Variants in LRPPRC observed in about 807,000 individuals in gnomAD.
The protein encoded by LRPPRC is leucine rich pentatricopeptide repeat containing.
A neutral mutation model predicts 180.3 loss-of-function variants in LRPPRC; 120 were observed. The observed-to-expected ratio is 0.67, with a 90% confidence interval of 0.57 to 0.77. LRPPRC has a LOEUF of 0.77. LRPPRC is among the 30% of genes least tolerant of loss of function. The pLI is 0.00. For synonymous variants in LRPPRC, 723 were observed against 600.0 expected (o/e 1.21, Z -3.00); for missense variants, 2,012 against 1,657.2 (o/e 1.21, Z -3.72).
At chr2:43,928,430 A>G (rs1189585945) in intron 25 of LRPPRC, among the ~76,000 whole-genome samples, 1 of 152,208 alleles carries the variant, frequency 6.6e-6, no homozygotes, top group Non-Finnish European at 1.5e-5. Context: ...TCCTGAATTT[A>G]ACTCAAATAG....
intron 5 of LRPPRC, 101 bp from the exon 6 acceptor site, chr2:43,976,330 T>C: frequency 1.4e-6 from 1 of 710,814 alleles, no homozygotes; most frequent in East Asian, 2.7e-5. Context: ...TTTTAAAATA[T>C]AATAGTAATA....
At chr2:43,903,439 G>T (rs965321672) in intron 31 of LRPPRC, 12 of 151,994 alleles carry the variant, frequency 7.9e-5, no homozygotes, top group African/African-American at 2.9e-4. Context: ...ACAACGGAAG[G>T]GAATTTTTAA....
chr2:43,963,274 G>A (rs913808460), intron 12 of LRPPRC, among the ~76,000 whole-genome samples: 1 of 151,974 alleles, frequency 6.6e-6, no homozygotes, highest in African/African-American at 2.4e-5. Context: ...GAGAAACCCT[G>A]TCTCTACTAA....
intron 14 of LRPPRC, among the ~76,000 whole-genome samples, chr2:43,952,871 G>A (rs779417962): frequency 6.6e-6 from 1 of 152,100 alleles, no homozygotes; most frequent in Non-Finnish European, 1.5e-5. Context: ...TCTCCCCTTT[G>A]AATATCTGTC....
At chr2:43,896,046 C>G (rs1670667639) in intron 35 of LRPPRC, among the ~76,000 whole-genome samples, 1 of 151,916 alleles carries the variant, frequency 6.6e-6, no homozygotes, top group Non-Finnish European at 1.5e-5. Flanking sequence ...ATTTGAAAGC[C>G]AAGTGGCTCA....
intron 24 of LRPPRC, 73 bp downstream of exon 24, chr2:43,934,681 T>C (rs1672208598): frequency 7.1e-7 from 1 of 1,400,620 alleles, no homozygotes; most frequent in African/African-American, 1.4e-5. Context: ...CTGGTTTCTC[T>C]TAACAATACA....
intron 11 of LRPPRC, among the ~76,000 whole-genome samples, chr2:43,967,755 G>C (rs911654212): frequency 2.0e-5 from 3 of 152,262 alleles, no homozygotes; most frequent in Non-Finnish European, 2.9e-5. Context: ...TGAAATTTAA[G>C]AGAACATGCA....
rs138328218 is a variant in LRPPRC, at chr2:43,956,370, T to C, written c.1649+1015A>G. On this transcript the variant is annotated intron_variant, in intron 14 of 37. Coordinates refer to ENST00000260665, the MANE Select transcript of LRPPRC (RefSeq NM_133259.4). ...ATTGTTAATTTTTTCAGAGTGATAC[T>C]GATGTTGTGATTTTAGAGATGATGA... Among the ~76,000 whole-genome samples, 309 of 152,304 alleles carry C rather than the reference T, an allele frequency of 2.0e-3. 4 individuals carry two copies. The Middle Eastern group carries it at 0.044, about 22-fold the overall frequency.
intron 27 of LRPPRC, among the ~76,000 whole-genome samples, chr2:43,920,113 T>A (rs990847896): frequency 6.0e-5 from 9 of 149,086 alleles, no homozygotes; most frequent in Non-Finnish European, 1.3e-4. Context: ...CTTAGAGAAA[T>A]TCCCCTGGGT....
intron 11 of LRPPRC, among the ~76,000 whole-genome samples, chr2:43,971,485 T>TAA (rs528659622): frequency 2.7e-4 from 17 of 62,378 alleles, no homozygotes; most frequent in African/African-American, 6.3e-4. Flanking sequence ...TGTGTCACAG[T>TAA]AAAAAAAAAA....
chr2:43,910,524 C>T (rs567982436), intron 30 of LRPPRC, among the ~76,000 whole-genome samples: 7 of 152,186 alleles, frequency 4.6e-5, no homozygotes, highest in East Asian at 1.9e-4. Flanking sequence ...CATGAGCCAA[C>T]GTGCCTGGGC....
intron 25 of LRPPRC, among the ~76,000 whole-genome samples, chr2:43,929,444 T>G (rs1303051093): frequency 6.6e-6 from 1 of 152,206 alleles, no homozygotes; most frequent in Non-Finnish European, 1.5e-5. Flanking sequence ...AATAGATTTG[T>G]ATACGTTTTA....
At chr2:43,951,829 CTTTA>C (rs72104348) in intron 14 of LRPPRC, among the ~76,000 whole-genome samples, 46,075 of 151,856 alleles carry the variant, frequency 0.3, 8,378 homozygotes, top group East Asian at 0.95. Context: ...GCTGGGCTTC[CTTTA>C]TTTATTTATT....
At chr2:43,948,343 A>G in intron 17 of LRPPRC, 69 bp downstream of exon 17, 1 of 1,033,340 alleles carries the variant, frequency 9.7e-7, no homozygotes, top group South Asian at 1.3e-5. Flanking sequence ...ACTTAAAAGC[A>G]GCAATTTCAA....
intron 35 of LRPPRC, chr2:43,896,119 G>A (rs956687815): frequency 6.4e-6 from 1 of 155,442 alleles, no homozygotes; most frequent in Non-Finnish European, 1.4e-5. Context: ...AGACACTCTG[G>A]AGTGTACATT....
intron 29 of LRPPRC, among the ~76,000 whole-genome samples, chr2:43,914,552 A>G (rs1297343642): frequency 1.3e-5 from 2 of 151,876 alleles, no homozygotes; most frequent in Admixed American, 6.6e-5. Context: ...ACGTAGTGAA[A>G]CGCGGTCTAT....
At chr2:43,967,391 C>T (rs1293842389) in intron 11 of LRPPRC, among the ~76,000 whole-genome samples, 1 of 81,924 alleles carries the variant, frequency 1.2e-5, no homozygotes, top group African/African-American at 5.2e-5. Context: ...GATAGATGAT[C>T]GATTGATAGA....
At position 43,975,079 on chromosome 2, in the gene LRPPRC, C is replaced by A. The variant is rs1225238051; in HGVS notation, c.864+12G>T. 1 of 1,611,056 alleles carries A rather than the reference C, an allele frequency of 6.2e-7. No homozygotes were observed. Among genetic ancestry groups the A allele is most frequent in the Non-Finnish European group, 8.5e-7 (1 of 1,179,194 alleles). On this transcript the variant is annotated intron_variant, in intron 7 of 37. Coordinates refer to ENST00000260665, the MANE Select transcript of LRPPRC (RefSeq NM_133259.4). ...TGATTTTAAAGTATGTTTATTTAGA[C>A]ATAAGTCATACCTGCTTAACATGGT...
intron 1 of LRPPRC, among the ~76,000 whole-genome samples, chr2:43,994,605 C>CTCTGCAGTT (rs750167522): frequency 6.6e-6 from 1 of 152,072 alleles, no homozygotes; most frequent in African/African-American, 2.4e-5. Context: ...AGGCTGCAGT[C>CTCTGCAGTT]TGGGCCCAGC....
Sources: gnomAD v4.1 joint callset for allele counts (sites outside exome capture counted in the v4.1 genomes callset) on GRCh38, gnomAD v4.1.1 for gene constraint, MANE v1.5 for transcripts, NCBI Gene and HGNC (gene_info 2026-07-23, HGNC 2026-07-21) for gene names.